SV2C: variants seen among roughly 807,000 people sequenced by gnomAD.
SV2C encodes the protein synaptic vesicle glycoprotein 2C, also known as solute carrier family 22 member B3.
In SV2C, 49 loss-of-function variants were observed where a neutral mutation model predicts 79.7. That is an observed-to-expected ratio of 0.61 (90% CI 0.49 to 0.78). The LOEUF is 0.78. Among genes scored for constraint, SV2C ranks in the 30% least tolerant of loss-of-function variants. The pLI is 0.00. For missense variants in SV2C, 833 were observed against 912.9 expected (o/e 0.91, Z 1.13); for synonymous variants, 334 against 333.2 (o/e 1.00, Z -0.03).
chr5:75,866,385 C>T, the SV2C span, among the ~76,000 whole-genome samples: 121 of 152,292 alleles, frequency 7.9e-4, no homozygotes, highest in East Asian at 5.6e-3. Flanking sequence ...GGCACTGCAC[C>T]GATGTGGCAG....
At chr5:76,179,256 G>A (rs747980817) in intron 2 of SV2C, among the ~76,000 whole-genome samples, 6 of 152,282 alleles carry the variant, frequency 3.9e-5, no homozygotes, top group Admixed American at 1.3e-4. Context: ...ATGAGGATTC[G>A]TGGATAAGAA....
intron 3 of SV2C, among the ~76,000 whole-genome samples, chr5:76,196,688 G>A (rs1744280641): frequency 6.6e-6 from 1 of 152,188 alleles, no homozygotes; most frequent in Non-Finnish European, 1.5e-5. Flanking sequence ...CCACTAGCCT[G>A]TCAACAGAAG....
chr5:75,903,008 T>G, the SV2C span, among the ~76,000 whole-genome samples: 2 of 152,356 alleles, frequency 1.3e-5, no homozygotes, highest in South Asian at 4.1e-4. Context: ...CATAAAATCC[T>G]GTGAGATGGA....
At chr5:76,278,870 A>C (rs947612128) in intron 4 of SV2C, among the ~76,000 whole-genome samples, 1 of 152,240 alleles carries the variant, frequency 6.6e-6, no homozygotes, top group South Asian at 2.1e-4. Context: ...TCTGGCTGCT[A>C]TAGGAAGAGT....
Position 76,132,189 on chromosome 5 carries a change from C to G in SV2C, c.439C>G (p.His147Asp), listed in dbSNP as rs1165480823. The part of the protein sequence containing the change: ...QYELIIQECG[H>D]GRFQWALFFV... ...TGAGCTGATAATCCAAGAATGCGGT[C>G]ATGGTCGTTTTCAGTGGGCCCTTTT... Residue 147 changes from histidine to aspartate, a missense_variant, in exon 2 of 13, where the codon CAT (histidine) becomes GAT (aspartate). Transcript: ENST00000502798. The G allele has an allele frequency of 3.7e-6, 6 of 1,614,004 alleles. No individual in the cohort carries two copies. The highest frequency in any genetic ancestry group is 4.2e-6 in the Non-Finnish European group (5 of 1,180,022).
intron 1 of SV2C, among the ~76,000 whole-genome samples, chr5:76,115,517 G>A (rs981409152): frequency 2.0e-5 from 3 of 152,266 alleles, no homozygotes; most frequent in Admixed American, 6.5e-5. Flanking sequence ...CTGAACTTCC[G>A]CTCTGACTGT....
At chr5:76,141,408 C>G (rs779671557) in intron 2 of SV2C, among the ~76,000 whole-genome samples, 53 of 152,188 alleles carry the variant, frequency 3.5e-4, no homozygotes, top group Non-Finnish European at 1.2e-4. Flanking sequence ...GGAATCCTCA[C>G]TAACGCTGAG....
At chr5:75,927,615 C>T in the SV2C span, among the ~76,000 whole-genome samples, 1 of 152,118 alleles carries the variant, frequency 6.6e-6, no homozygotes, top group Non-Finnish European at 1.5e-5. Flanking sequence ...GTATTGCATA[C>T]TTCTAAATGG....
chr5:76,211,102 CT>C (rs1744754386), intron 4 of SV2C, among the ~76,000 whole-genome samples: 1 of 152,100 alleles, frequency 6.6e-6, no homozygotes, highest in Non-Finnish European at 1.5e-5. Context: ...ACAGAAGCAC[CT>C]TTACTCAACT....
chr5:75,864,684 C>T, the SV2C span, among the ~76,000 whole-genome samples: 40 of 152,308 alleles, frequency 2.6e-4, no homozygotes, highest in Non-Finnish European at 5.0e-4. Context: ...CTGTGGGGGT[C>T]CCTCCCAGCA....
chr5:75,894,581 C>T, the SV2C span, among the ~76,000 whole-genome samples: 3 of 152,140 alleles, frequency 2.0e-5, no homozygotes, highest in South Asian at 6.2e-4. Flanking sequence ...ATGGAAGGCC[C>T]CACTCACAAT....
chr5:76,323,248 AAAG>A (rs545224467), intron 12 of SV2C, among the ~76,000 whole-genome samples: 46 of 152,374 alleles, frequency 3.0e-4, no homozygotes, highest in African/African-American at 1.1e-3. Context: ...ATACTTCTCA[AAAG>A]AAGACATTTA....
the SV2C span, among the ~76,000 whole-genome samples, chr5:76,003,402 T>C: frequency 2.3e-3 from 357 of 152,316 alleles, 2 homozygotes; most frequent in Middle Eastern, 6.8e-3. Flanking sequence ...GGCTGGGTGA[T>C]ATGAGTAAGA....
intron 2 of SV2C, among the ~76,000 whole-genome samples, chr5:76,136,703 A>G (rs1749081551): frequency 1.3e-5 from 2 of 152,210 alleles, no homozygotes; most frequent in Non-Finnish European, 2.9e-5. Context: ...CATTCTGCAC[A>G]TGTATCCCAG....
chr5:76,034,201 C>G, the SV2C span, among the ~76,000 whole-genome samples: 3 of 151,648 alleles, frequency 2.0e-5, no homozygotes, highest in African/African-American at 7.3e-5. Flanking sequence ...CAAACAGGGA[C>G]AATTTGACTT....
chr5:75,849,790 A>G, the SV2C span, among the ~76,000 whole-genome samples: 1 of 152,220 alleles, frequency 6.6e-6, no homozygotes, highest in Admixed American at 6.5e-5. Flanking sequence ...ATTAACCCTT[A>G]GACCTGGCTC....
intron 12 of SV2C, among the ~76,000 whole-genome samples, chr5:76,303,992 G>A (rs1044346434): frequency 1.3e-5 from 2 of 152,134 alleles, no homozygotes; most frequent in Non-Finnish European, 2.9e-5. Flanking sequence ...GGAGACCCAG[G>A]GATCATGACA....
chr5:76,086,003 G>A (rs1580254310), intron 1 of SV2C, among the ~76,000 whole-genome samples: 1 of 152,070 alleles, frequency 6.6e-6, no homozygotes, highest in East Asian at 1.9e-4. Context: ...CTGACTGTCT[G>A]GAGAAGGAAA....
At chr5:76,052,877 G>A in the SV2C span, among the ~76,000 whole-genome samples, 1 of 150,922 alleles carries the variant, frequency 6.6e-6, no homozygotes, top group Non-Finnish European at 1.5e-5. Context: ...GGGTTTATAA[G>A]TTATATATAA....
Sources: gnomAD v4.1 joint callset for allele counts (sites outside exome capture counted in the v4.1 genomes callset) on GRCh38, gnomAD v4.1.1 for gene constraint, MANE v1.5 for transcripts, NCBI Gene and HGNC (gene_info 2026-07-23, HGNC 2026-07-21) for gene names.